The following ADGRV1 variants were observed in gnomAD, a reference collection of about 807,000 sequenced individuals.
ADGRV1 encodes G-protein coupled receptor 98.
A neutral mutation model predicts 596.2 loss-of-function variants in ADGRV1; 359 were observed. That is an observed-to-expected ratio of 0.60 (90% CI 0.55 to 0.66). The LOEUF (loss-of-function observed/expected upper bound fraction) is 0.66. Among genes scored for constraint, ADGRV1 ranks in the 30% least tolerant of loss-of-function variants. The pLI, the probability that ADGRV1 is intolerant of heterozygous loss-of-function variation, is 0.00. For synonymous variants in ADGRV1, 2,681 were observed against 2,679.2 expected (o/e 1.00, Z -0.02); for missense variants, 7,274 against 7,575.6 (o/e 0.96, Z 1.48).
chr5:90,920,015 A>AAAAAAAAT (rs1491328551), intron 83 of ADGRV1, among the ~76,000 whole-genome samples: 1 of 143,204 alleles, frequency 7.0e-6, no homozygotes, highest in African/African-American at 2.6e-5. Flanking sequence ...AAAAAAAAAA[A>AAAAAAAAT]GAAAAATATT....
At chr5:90,951,302 T>A (rs1449755002) in intron 83 of ADGRV1, among the ~76,000 whole-genome samples, 1 of 152,208 alleles carries the variant, frequency 6.6e-6, no homozygotes, top group East Asian at 1.9e-4. Flanking sequence ...GATGATTTTT[T>A]AAGTAATACA....
rs749051532 is a variant in ADGRV1, at chr5:90,635,406, C to T, written c.2016+116C>T. ...ACATCTTAAAAAGCTTCAGCATGTA[C>T]AAGAAGCCTTCAGTATGTCATTTGA... On this transcript the variant is annotated intron_variant, in intron 10 of 89. Coordinates refer to ENST00000405460, the MANE Select transcript of ADGRV1 (RefSeq NM_032119.4). 1.8e-5 allele frequency: 16 copies of T among 871,006 alleles called. No homozygotes were observed. The East Asian group carries it at 4.0e-4, about 22-fold the overall frequency. 54.0% of individuals were successfully genotyped at this position (871,006 alleles called of 1,614,324 possible).
At chr5:90,689,092 G>A (rs1746109226) in intron 29 of ADGRV1, among the ~76,000 whole-genome samples, 2 of 152,156 alleles carry the variant, frequency 1.3e-5, no homozygotes, top group South Asian at 4.1e-4. Context: ...GAACAGGAAT[G>A]TGAATGGATG....
chr5:90,968,099 A>G (rs6883495), intron 84 of ADGRV1, among the ~76,000 whole-genome samples: 113,395 of 152,100 alleles, frequency 0.75, 43,122 homozygotes, highest in African/African-American at 0.89. Context: ...AATTTAGGTA[A>G]ATGTGATGGC....
intron 85 of ADGRV1, among the ~76,000 whole-genome samples, chr5:91,023,009 T>C (rs1019717016): frequency 3.1e-4 from 47 of 152,148 alleles, no homozygotes; most frequent in Middle Eastern, 3.2e-3. Context: ...TTTCGATAAC[T>C]ATGAAGCCCA....
At chr5:90,889,489 A>G (rs965704179) in intron 83 of ADGRV1, among the ~76,000 whole-genome samples, 8 of 152,072 alleles carry the variant, frequency 5.3e-5, no homozygotes, top group Non-Finnish European at 1.2e-4. Flanking sequence ...CCTTAAGTAT[A>G]TATTCTTAAA....
chr5:90,987,954 C>T (rs530448011), intron 85 of ADGRV1, among the ~76,000 whole-genome samples: 49 of 152,236 alleles, frequency 3.2e-4, no homozygotes, highest in Admixed American at 3.2e-3. Flanking sequence ...ATTTTTGTCT[C>T]CTTAGCTCTT....
At chr5:90,737,031 A>G (rs1327939513) in intron 50 of ADGRV1, among the ~76,000 whole-genome samples, 2 of 149,822 alleles carry the variant, frequency 1.3e-5, no homozygotes, top group African/African-American at 4.9e-5. Flanking sequence ...TATTTCCTTT[A>G]GTTGTAATAT....
At chr5:90,802,309 G>A (rs943133453) in intron 70 of ADGRV1, among the ~76,000 whole-genome samples, 1 of 152,136 alleles carries the variant, frequency 6.6e-6, no homozygotes, top group African/African-American at 2.4e-5. Flanking sequence ...TCTGCCTCCT[G>A]GGTTCAAATG....
intron 87 of ADGRV1, among the ~76,000 whole-genome samples, chr5:91,103,427 G>C (rs974175204): frequency 2.0e-5 from 3 of 150,282 alleles, no homozygotes; most frequent in African/African-American, 7.4e-5. Context: ...AGTATGGCAG[G>C]TGCCATGTAA....
At chr5:90,591,683 T>A (rs1250434970) in intron 1 of ADGRV1, among the ~76,000 whole-genome samples, 1 of 152,226 alleles carries the variant, frequency 6.6e-6, no homozygotes, top group African/African-American at 2.4e-5. Context: ...AAGTGAATTA[T>A]TGTGTTAGTA....
intron 85 of ADGRV1, among the ~76,000 whole-genome samples, chr5:91,044,250 A>G (rs1785605949): frequency 6.6e-6 from 1 of 152,136 alleles, no homozygotes; most frequent in Non-Finnish European, 1.5e-5. Context: ...GATTGTCTGC[A>G]GTGATTCACA....
chr5:91,112,514 C>T (rs867284519), intron 87 of ADGRV1, among the ~76,000 whole-genome samples: 1 of 152,136 alleles, frequency 6.6e-6, no homozygotes. Context: ...AAACAAGATG[C>T]GTACGTCCTC....
intron 82 of ADGRV1, among the ~76,000 whole-genome samples, chr5:90,863,336 A>G (rs1260745545): frequency 6.6e-6 from 1 of 152,252 alleles, no homozygotes; most frequent in African/African-American, 2.4e-5. Context: ...TTAGAAATGT[A>G]GAAGTTTAAG....
In ADGRV1 at chr5:90,706,219, C is replaced by G; in HGVS notation, c.8567-12C>G. On this transcript the variant is annotated splice_polypyrimidine_tract_variant and intron_variant, in intron 37 of 89. Coordinates refer to ENST00000405460, the MANE Select transcript of ADGRV1 (RefSeq NM_032119.4). ...GATAATTATAAAACATTTTTGCAAC[C>G]TATTCAATTAGGAGCTATCAATGTC... 1.3e-6 allele frequency: 2 copies of G among 1,582,738 alleles called. No individual in the cohort carries two copies. Among genetic ancestry groups the G allele is most frequent in the Non-Finnish European group, 1.7e-6 (2 of 1,169,446 alleles).
chr5:90,778,694 A>ATAAACTGAT (rs1383294198), intron 63 of ADGRV1, 85 bp downstream of exon 63: 22 of 1,191,116 alleles, frequency 1.8e-5, no homozygotes, highest in Non-Finnish European at 2.4e-5. Context: ...CAGAGTTTTC[A>ATAAACTGAT]TAAACTGATT....
At chr5:91,138,250 C>A (rs1794808351) in intron 87 of ADGRV1, among the ~76,000 whole-genome samples, 1 of 150,168 alleles carries the variant, frequency 6.7e-6, no homozygotes, top group Non-Finnish European at 1.5e-5. Context: ...AAAAAAAAAA[C>A]CTTCTGTAGA....
At chr5:90,685,096 G>C (rs1269645309) in intron 28 of ADGRV1, among the ~76,000 whole-genome samples, 2 of 151,952 alleles carry the variant, frequency 1.3e-5, no homozygotes, top group East Asian at 3.9e-4. Flanking sequence ...TTTCCTTTTT[G>C]ATAACTTTTC....
chr5:91,043,112 G>A (rs531514942), intron 85 of ADGRV1, among the ~76,000 whole-genome samples: 29 of 152,274 alleles, frequency 1.9e-4, no homozygotes, highest in Non-Finnish European at 4.1e-4. Context: ...TAACTCTTAT[G>A]AGAAGAGGCA....
Sources: gnomAD v4.1 joint callset for allele counts (sites outside exome capture counted in the v4.1 genomes callset) on GRCh38, gnomAD v4.1.1 for gene constraint, MANE v1.5 for transcripts, NCBI Gene and HGNC (gene_info 2026-07-23, HGNC 2026-07-21) for gene names.